ULK4: variants seen among roughly 807,000 people sequenced by gnomAD.
The protein encoded by ULK4 is unc-51 like kinase 4.
ULK4 carries 133 observed loss-of-function variants against 160.6 expected under a neutral mutation model. The ratio of observed to expected loss-of-function variants is 0.83; its 90% CI spans 0.72 to 0.96. The LOEUF (loss-of-function observed/expected upper bound fraction) is 0.96. Among genes scored for constraint, ULK4 ranks in the 40% least tolerant of loss-of-function variants. ULK4 has a pLI of 0.00. For missense variants in ULK4, 1,580 were observed against 1,499.5 expected (o/e 1.05, Z -0.89); for synonymous variants, 534 against 539.8 (o/e 0.99, Z 0.15).
chr3:41,954,223 G>T (rs1299987424), intron 2 of ULK4, among the ~76,000 whole-genome samples: 1 of 151,094 alleles, frequency 6.6e-6, no homozygotes, highest in African/African-American at 2.4e-5. Flanking sequence ...AGCCAGGCGT[G>T]GTGGTATGTG....
At chr3:41,368,392 T>G (rs76831029) in intron 35 of ULK4, among the ~76,000 whole-genome samples, 5,525 of 152,236 alleles carry the variant, frequency 0.036, 272 homozygotes, top group East Asian at 0.19. Flanking sequence ...TACCATAAAA[T>G]TCACCATTTT....
At position 41,800,266 on chromosome 3, in the gene ULK4, C is replaced by T. The variant is rs1220086986; in HGVS notation, c.1876G>A (p.Ala626Thr). The change falls in exon 20 of 37, where the codon GCA becomes ACA. Residue 626 changes from alanine to threonine, a missense_variant. By Grantham distance (58) the Ala-to-Thr change is moderately conservative. Coordinates refer to ENST00000301831, the MANE Select transcript of ULK4 (RefSeq NM_017886.4). Reference protein sequence around the residue: ...GEERVVNHMAAKIIENVCTTF... With the variant: ...GEERVVNHMATKIIENVCTTF... ...GTACAGACATTTTCAATAATTTTTG[C>T]TGCCATGTGATTCACAACACGCTCT... 1.2e-6 allele frequency: 2 copies of T among 1,612,530 alleles called. No homozygotes were observed. Among genetic ancestry groups the T allele is most frequent in the Non-Finnish European group, 1.7e-6 (2 of 1,179,596 alleles).
chr3:41,915,220 TAAGTA>T (rs1239042891), intron 8 of ULK4, among the ~76,000 whole-genome samples: 1 of 152,204 alleles, frequency 6.6e-6, no homozygotes, highest in African/African-American at 2.4e-5. Context: ...CATTCTAATA[TAAGTA>T]AAGGATGTTT....
intron 34 of ULK4, among the ~76,000 whole-genome samples, chr3:41,407,360 GGTCA>G (rs2082314550): frequency 6.6e-6 from 1 of 151,974 alleles, no homozygotes; most frequent in Non-Finnish European, 1.5e-5. Context: ...CATTCTCTGA[GGTCA>G]GTACTACCCT....
intron 17 of ULK4, among the ~76,000 whole-genome samples, chr3:41,867,700 C>T (rs1696945986): frequency 6.6e-6 from 1 of 152,178 alleles, no homozygotes; most frequent in Admixed American, 6.5e-5. Context: ...TTTAGTAAAC[C>T]TTCCAGGCAA....
chr3:41,545,181 A>AC lies in ULK4; in HGVS notation c.3226+20843dup, dbSNP rs2086816725. On this transcript the variant is annotated intron_variant, in intron 32 of 36. Coordinates refer to ENST00000301831, the MANE Select transcript of ULK4 (RefSeq NM_017886.4). ...TTTTATTTTAGGTAATTACAGAGTA[A>AC]CAAAAAAAAGGTATTCTTTCATATT... Among the ~76,000 whole-genome samples the AC allele has an allele frequency of 5.9e-5, 7 of 118,088 alleles. No homozygotes were observed. In the South Asian group the frequency reaches 1.9e-3, roughly 32 times the overall value. The allele number at this position is 118,088 out of a possible 152,430, so 77.5% of individuals were successfully genotyped here.
At chr3:41,468,354 G>T (rs539342827) in intron 32 of ULK4, among the ~76,000 whole-genome samples, 1 of 152,282 alleles carries the variant, frequency 6.6e-6, no homozygotes, top group East Asian at 1.9e-4. Flanking sequence ...CCAAACAGGG[G>T]CAAGGATTTA....
chr3:41,492,199 C>T (rs2084799763), intron 32 of ULK4, among the ~76,000 whole-genome samples: 1 of 151,906 alleles, frequency 6.6e-6, no homozygotes, highest in South Asian at 2.1e-4. Context: ...CATACGTGTG[C>T]ATGTGTCTTT....
At chr3:41,833,193 C>T (rs1044380134) in intron 18 of ULK4, among the ~76,000 whole-genome samples, 2 of 151,584 alleles carry the variant, frequency 1.3e-5, no homozygotes, top group African/African-American at 4.9e-5. Context: ...TGTTTGTGTC[C>T]TCTCTTATTT....
At chr3:41,646,829 CCAAT>C (rs1397100283) in intron 30 of ULK4, among the ~76,000 whole-genome samples, 1 of 152,226 alleles carries the variant, frequency 6.6e-6, no homozygotes, top group Non-Finnish European at 1.5e-5. Context: ...TTCAGGTACA[CCAAT>C]CAGATACAGA....
At chr3:41,546,562 G>GA (rs1340684852) in intron 32 of ULK4, among the ~76,000 whole-genome samples, 1 of 152,008 alleles carries the variant, frequency 6.6e-6, no homozygotes, top group Non-Finnish European at 1.5e-5. Flanking sequence ...CTTGCTCTGT[G>GA]AAAGTATAGC....
intron 30 of ULK4, among the ~76,000 whole-genome samples, chr3:41,662,280 A>T (rs769468788): frequency 3.3e-5 from 5 of 152,188 alleles, no homozygotes; most frequent in Non-Finnish European, 5.9e-5. Flanking sequence ...AAAGGGTATT[A>T]ACTTAGGGCT....
At chr3:41,882,072 G>A in intron 17 of ULK4, 1 of 629,720 alleles carries the variant, frequency 1.6e-6, no homozygotes, top group Admixed American at 2.5e-5. Flanking sequence ...TACTTCACAT[G>A]CCCTCTGCCC....
chr3:41,688,199 C>A (rs977573510), intron 27 of ULK4, among the ~76,000 whole-genome samples: 11 of 152,214 alleles, frequency 7.2e-5, no homozygotes, highest in African/African-American at 2.7e-4. Flanking sequence ...ATCCCACCCC[C>A]TCCCCTGACA....
intron 32 of ULK4, among the ~76,000 whole-genome samples, chr3:41,491,852 G>A (rs879778724): frequency 1.3e-5 from 2 of 151,512 alleles, no homozygotes; most frequent in African/African-American, 2.4e-5. Context: ...TTTAGCATTA[G>A]GTATACCTTC....
chr3:41,572,553 G>A (rs2088016102), intron 31 of ULK4, among the ~76,000 whole-genome samples: 1 of 151,490 alleles, frequency 6.6e-6, no homozygotes, highest in Non-Finnish European at 1.5e-5. Flanking sequence ...AAGGTCAGGA[G>A]ATTGAGACCA....
intron 35 of ULK4, among the ~76,000 whole-genome samples, chr3:41,330,756 T>C (rs936333200): frequency 1.3e-5 from 2 of 152,150 alleles, no homozygotes; most frequent in African/African-American, 4.8e-5. Context: ...GCTCTGGGAG[T>C]AGTCTAGCCA....
chr3:41,527,226 A>G (rs1301164421), intron 32 of ULK4, among the ~76,000 whole-genome samples: 1 of 152,216 alleles, frequency 6.6e-6, no homozygotes, highest in Non-Finnish European at 1.5e-5. Flanking sequence ...TCTCCTTCAC[A>G]CCTCAAGAGG....
intron 19 of ULK4, 37 bp from the exon 20 acceptor site, chr3:41,800,330 G>A (rs758438281): frequency 4.5e-6 from 7 of 1,553,608 alleles, no homozygotes; most frequent in Non-Finnish European, 5.3e-6. Flanking sequence ...ATTAGTGTGA[G>A]AAATAAATAC....
Sources: gnomAD v4.1 joint callset for allele counts (sites outside exome capture counted in the v4.1 genomes callset) on GRCh38, gnomAD v4.1.1 for gene constraint, MANE v1.5 for transcripts, NCBI Gene and HGNC (gene_info 2026-07-23, HGNC 2026-07-21) for gene names.